The following NRXN3 variants were observed in gnomAD, a reference collection of about 807,000 sequenced individuals.
NRXN3 encodes the protein neurexin III.
A neutral mutation model predicts 137.6 loss-of-function variants in NRXN3; 32 were observed. The ratio of observed to expected loss-of-function variants is 0.23; its 90% CI spans 0.18 to 0.31. The LOEUF (loss-of-function observed/expected upper bound fraction) is 0.31. NRXN3 is among the 10% of genes least tolerant of loss of function. The pLI is 1.00. For missense variants in NRXN3, 1,574 were observed against 2,062.5 expected, an observed-to-expected ratio of 0.76 and a Z score of 4.59; for synonymous variants, 798 against 784.5, an observed-to-expected ratio of 1.02 and a Z score of -0.29.
intron 3 of NRXN3, among the ~76,000 whole-genome samples, chr14:78,281,116 G>A (rs2074348598): frequency 6.6e-6 from 1 of 152,160 alleles, no homozygotes; most frequent in East Asian, 1.9e-4. Flanking sequence ...TGTGGTTTCT[G>A]AGCCTGAAGC....
chr14:79,663,230 ATGTGTGTGTGTGTACGCGTG>A (rs1328322182), intron 16 of NRXN3, among the ~76,000 whole-genome samples: 3 of 150,428 alleles, frequency 2.0e-5, no homozygotes, highest in Non-Finnish European at 4.4e-5. Flanking sequence ...CATTATGTGC[ATGTGTGTGTGTGTACGCGTG>A]TGTGTGTGTG....
chr14:79,791,477 T>A (rs2099144962), intron 19 of NRXN3, among the ~76,000 whole-genome samples: 1 of 146,780 alleles, frequency 6.8e-6, no homozygotes, highest in African/African-American at 2.5e-5. Flanking sequence ...TAATTATATA[T>A]TGTAATAATT....
chr14:78,783,109 A>G (rs1450794004), intron 8 of NRXN3, among the ~76,000 whole-genome samples: 1 of 152,226 alleles, frequency 6.6e-6, no homozygotes, highest in East Asian at 1.9e-4. Context: ...TATCAACTAC[A>G]AAGGAAAATA....
intron 4 of NRXN3, among the ~76,000 whole-genome samples, chr14:78,555,445 T>C (rs1426251205): frequency 6.6e-6 from 1 of 152,226 alleles, no homozygotes; most frequent in Admixed American, 6.5e-5. Context: ...TTTGTTTCTA[T>C]GCAAACATGT....
At chr14:78,226,195 T>G (rs1431038485) in intron 1 of NRXN3, among the ~76,000 whole-genome samples, 1 of 152,060 alleles carries the variant, frequency 6.6e-6, no homozygotes, top group Non-Finnish European at 1.5e-5. Context: ...AGTAGAGATG[T>G]GGTTTTACCA....
chr14:79,714,272 T>A (rs981276798), intron 19 of NRXN3, among the ~76,000 whole-genome samples: 2 of 152,124 alleles, frequency 1.3e-5, no homozygotes, highest in African/African-American at 4.8e-5. Flanking sequence ...GATTAAATAA[T>A]TACACTAGGT....
rs1216069203 is a variant in NRXN3, at chr14:79,308,869, A to AATTTT, written c.3263-158331_3263-158327dup. Among the ~76,000 whole-genome samples, 217 of 117,344 alleles carry AATTTT rather than the reference A, an allele frequency of 1.8e-3. 1 individual carries two copies. Among genetic ancestry groups the AATTTT allele is most frequent in the Non-Finnish European group, 3.2e-3 (180 of 55,830 alleles). 77.0% of individuals were successfully genotyped at this position (117,344 alleles called of 152,430 possible). A position where few individuals can be genotyped will look rare whatever the true frequency, so the allele number is the denominator to read the frequency against. The stretch of plus-strand genomic sequence containing the variant: ...CTTTTTTTTTTTTTTTTTTGTGAGT[A>AATTTT]ATTTTATTTTATTTTATTTTATTTT... On this transcript the variant is annotated intron_variant, in intron 15 of 20. Coordinates refer to ENST00000335750, the MANE Select transcript of NRXN3 (RefSeq NM_001330195.2).
chr14:78,432,457 A>C (rs1168682223), intron 4 of NRXN3, among the ~76,000 whole-genome samples: 6 of 152,174 alleles, frequency 3.9e-5, no homozygotes, highest in Admixed American at 3.9e-4. Flanking sequence ...GGCTAGAACA[A>C]GCTCTTCTGA....
intron 15 of NRXN3, among the ~76,000 whole-genome samples, chr14:79,295,505 A>T (rs1054154295): frequency 2.6e-5 from 4 of 152,128 alleles, no homozygotes; most frequent in African/African-American, 9.7e-5. Flanking sequence ...TTATGTGTGT[A>T]TTGCTTCCAT....
At chr14:78,371,738 G>C (rs2086866528) in intron 4 of NRXN3, among the ~76,000 whole-genome samples, 1 of 152,264 alleles carries the variant, frequency 6.6e-6, no homozygotes, top group Non-Finnish European at 1.5e-5. Flanking sequence ...TGTCCCTGCT[G>C]TAGCGAAGTG....
chr14:79,473,205 G>A (rs773123752), intron 16 of NRXN3, among the ~76,000 whole-genome samples: 5 of 152,144 alleles, frequency 3.3e-5, no homozygotes, highest in Non-Finnish European at 7.4e-5. Flanking sequence ...GTGGCAAAGT[G>A]TTCTCCTTCC....
At chr14:79,773,295 T>A (rs993253843) in intron 19 of NRXN3, among the ~76,000 whole-genome samples, 70 of 152,214 alleles carry the variant, frequency 4.6e-4, no homozygotes, top group African/African-American at 1.6e-3. Flanking sequence ...CCCAAAGGAC[T>A]ATAAATCATG....
At chr14:78,837,704 TC>T (rs1243859604) in intron 10 of NRXN3, among the ~76,000 whole-genome samples, 1 of 152,132 alleles carries the variant, frequency 6.6e-6, no homozygotes, top group Non-Finnish European at 1.5e-5. Context: ...CTTTGACTGT[TC>T]CCCTCCACAA....
At chr14:78,531,004 G>C (rs1175801458) in intron 4 of NRXN3, among the ~76,000 whole-genome samples, 1 of 152,086 alleles carries the variant, frequency 6.6e-6, no homozygotes, top group African/African-American at 2.4e-5. Flanking sequence ...CCTGGACTCT[G>C]TAAGTAGCCC....
chr14:79,605,362 A>G (rs2097993550), intron 16 of NRXN3, among the ~76,000 whole-genome samples: 1 of 152,154 alleles, frequency 6.6e-6, no homozygotes, highest in Non-Finnish European at 1.5e-5. Flanking sequence ...TTTTTTTCTC[A>G]GATGACTTCC....
chr14:79,073,579 T>C (rs1417415853), intron 15 of NRXN3, among the ~76,000 whole-genome samples: 1 of 152,204 alleles, frequency 6.6e-6, no homozygotes, highest in African/African-American at 2.4e-5. Context: ...CTTAGGTCCT[T>C]AAAGAAATTG....
At chr14:79,061,062 G>C (rs2202170) in intron 15 of NRXN3, among the ~76,000 whole-genome samples, 150,865 of 152,312 alleles carry the variant, frequency 0.99, 74,740 homozygotes, top group Middle Eastern at 1. Flanking sequence ...ATACGTAGAA[G>C]TGGCTCTCCT....
At chr14:78,750,918 C>G (rs892407255) in intron 8 of NRXN3, among the ~76,000 whole-genome samples, 4 of 152,066 alleles carry the variant, frequency 2.6e-5, no homozygotes, top group Admixed American at 6.5e-5. Flanking sequence ...GAACAGTTTC[C>G]CAGAATTCTA....
chr14:79,613,456 T>C (rs2098124552), intron 16 of NRXN3, among the ~76,000 whole-genome samples: 1 of 152,220 alleles, frequency 6.6e-6, no homozygotes, highest in Admixed American at 6.5e-5. Context: ...CAAAGTACAC[T>C]TCCAGCTCCT....
Sources: allele counts gnomAD v4.1 joint callset (sites outside exome capture counted in the v4.1 genomes callset), GRCh38; gene constraint gnomAD v4.1.1; transcripts MANE v1.5; gene names NCBI Gene and HGNC (gene_info 2026-07-23, HGNC 2026-07-21).